PACRG: variants seen among roughly 807,000 people sequenced by gnomAD.
The protein encoded by PACRG is parkin coregulated.
A neutral mutation model predicts 29.7 loss-of-function variants in PACRG; 29 were observed. The observed-to-expected ratio is 0.98, with a 90% CI of 0.73 to 1.33. The LOEUF (loss-of-function observed/expected upper bound fraction) is 1.33, where lower values mean the gene tolerates loss of function less well. Ranked by LOEUF, PACRG falls within the 40% of genes most tolerant of loss-of-function variation. The pLI is 0.00. For synonymous variants in PACRG, 116 were observed against 118.7 expected, an observed-to-expected ratio of 0.98 and a Z score of 0.15; for missense variants, 279 against 316.2, an observed-to-expected ratio of 0.88 and a Z score of 0.89.
chr6:162,868,179 T>G (rs918240568), intron 2 of PACRG, among the ~76,000 whole-genome samples: 1 of 152,150 alleles, frequency 6.6e-6, no homozygotes, highest in Admixed American at 6.5e-5. Flanking sequence ...GTGACTAGGA[T>G]AGGATACACG....
chr6:163,269,995 GAAAGAAAGAAA>G lies in PACRG; in HGVS notation c.614-44831_614-44821del, dbSNP rs1562350558. Among the ~76,000 whole-genome samples the G allele has an allele frequency of 7.7e-4, 83 of 107,256 alleles. 3 individuals carry two copies. The highest frequency in any genetic ancestry group is 4.9e-3 in the South Asian group (14 of 2,840). The allele number at this position is 107,256 out of a possible 152,430, so 70.4% of individuals were successfully genotyped here. A position where few individuals can be genotyped will look rare whatever the true frequency, so the allele number is the denominator to read the frequency against. Reference sequence around the variant, plus strand: ...AGAAAGAAAGAAAGAAAGAAAGAAAGAAAGAAAGAAAGGAGGGAGGGAGGGAGGGAGGAAGG... The same window carrying G: ...AGAAAGAAAGAAAGAAAGAAAGAAAGGGAGGGAGGGAGGGAGGGAGGAAGG... On this transcript the variant is annotated intron_variant, in intron 4 of 4. Coordinates refer to ENST00000366888, the MANE Select transcript of PACRG (RefSeq NM_001080379.2).
chr6:163,252,241 C>T (rs1782936026), intron 4 of PACRG, among the ~76,000 whole-genome samples: 2 of 152,250 alleles, frequency 1.3e-5, no homozygotes, highest in Admixed American at 1.3e-4. Flanking sequence ...TGTGAGCACG[C>T]CCTCTGCACC....
At position 162,853,186 on chromosome 6, in the gene PACRG, G is replaced by A. The variant is rs928727001; in HGVS notation, c.291+38905G>A. ...ACTTTCAGAAAAGAGTACACTGAAC[G>A]TTTAAAATCTGGAAATTGAACTCCT... On this transcript the variant is annotated intron_variant, in intron 2 of 4. Transcript: ENST00000366888. The surrounding 1 kb of genome is among the most constrained non-coding windows in gnomAD (Gnocchi z 4.7). Among the ~76,000 whole-genome samples the A allele has an allele frequency of 2.6e-5, 4 of 152,164 alleles. No individual in the cohort carries two copies. Among genetic ancestry groups the A allele is most frequent in the Non-Finnish European group, 5.9e-5 (4 of 68,028 alleles).
intron 3 of PACRG, among the ~76,000 whole-genome samples, chr6:163,065,527 CAAT>C (rs1811462478): frequency 6.6e-6 from 1 of 152,114 alleles, no homozygotes; most frequent in Non-Finnish European, 1.5e-5. Context: ...TCTCTCTCCT[CAAT>C]AAAAGTGAGA....
intron 4 of PACRG, among the ~76,000 whole-genome samples, chr6:163,243,719 A>G (rs1449361925): frequency 6.6e-6 from 1 of 152,208 alleles, no homozygotes; most frequent in Non-Finnish European, 1.5e-5. Context: ...AAAAAACTTG[A>G]GTGAAACCCT....
chr6:162,916,225 C>T (rs939901014), intron 2 of PACRG, among the ~76,000 whole-genome samples: 1 of 152,068 alleles, frequency 6.6e-6, no homozygotes, highest in Admixed American at 6.6e-5. Context: ...TGTCTTATGA[C>T]CTTCATAGTT....
At chr6:163,038,171 T>C (rs1049229120) in intron 2 of PACRG, among the ~76,000 whole-genome samples, 1 of 152,126 alleles carries the variant, frequency 6.6e-6, no homozygotes, top group African/African-American at 2.4e-5. Flanking sequence ...GGGGCAGGAT[T>C]TGGACTTAGG....
At chr6:163,176,167 C>T (rs1274563732) in intron 4 of PACRG, among the ~76,000 whole-genome samples, 3 of 152,172 alleles carry the variant, frequency 2.0e-5, no homozygotes, top group South Asian at 2.1e-4. Context: ...TAGAGAATCT[C>T]ACCTTTTCCT....
At chr6:163,210,769 C>T (rs10945881) in intron 4 of PACRG, among the ~76,000 whole-genome samples, 41,529 of 152,120 alleles carry the variant, frequency 0.27, 6,707 homozygotes, top group East Asian at 0.62. Context: ...AAAAGGAAAA[C>T]TCTCTTCAGT....
intron 1 of PACRG, among the ~76,000 whole-genome samples, chr6:162,808,373 G>A (rs774229633): frequency 2.0e-5 from 3 of 152,138 alleles, no homozygotes; most frequent in Non-Finnish European, 4.4e-5. Flanking sequence ...CTAGTGGGTT[G>A]GCTAAATGGG....
Position 162,963,837 on chromosome 6 carries a change from T to G in PACRG, c.292-98313T>G, listed in dbSNP as rs375851994. ...ATTTTCACCATTTTTATTTTGCTAT[T>G]CTATTTCATTGCAATTGCAATATAT... On this transcript the variant is annotated intron_variant, in intron 2 of 4. Coordinates refer to ENST00000366888, the MANE Select transcript of PACRG (RefSeq NM_001080379.2). 3.9e-5 allele frequency among the ~76,000 whole-genome samples: 6 copies of G among 152,226 alleles called. No individual in the cohort carries two copies. In the East Asian group the frequency reaches 9.7e-4, roughly 25 times the overall value.
chr6:163,138,036 C>G lies in PACRG; in HGVS notation c.613+48628C>G, dbSNP rs1040572291. 2.0e-5 allele frequency among the ~76,000 whole-genome samples: 3 copies of G among 152,302 alleles called. No homozygotes were observed. The South Asian group carries it at 6.2e-4, about 32-fold the overall frequency. On this transcript the variant is annotated intron_variant, in intron 4 of 4. Transcript: ENST00000366888. ...TGGCTCAGAGGCTCTGTGCCCAGAACGACAGTACATAAGAAGGAGTGGGGG... is the reference window on the plus strand; with the variant it reads ...TGGCTCAGAGGCTCTGTGCCCAGAAGGACAGTACATAAGAAGGAGTGGGGG...
intron 4 of PACRG, among the ~76,000 whole-genome samples, chr6:163,228,124 T>G (rs1781876565): frequency 6.6e-6 from 1 of 152,054 alleles, no homozygotes; most frequent in South Asian, 2.1e-4. Flanking sequence ...AAGATATATA[T>G]GTATATTAGA....
At chr6:162,914,517 T>C (rs1389364249) in intron 2 of PACRG, among the ~76,000 whole-genome samples, 1 of 147,538 alleles carries the variant, frequency 6.8e-6, no homozygotes. Flanking sequence ...TGTTTTTTTT[T>C]TTTTTTTTTT....
intron 2 of PACRG, among the ~76,000 whole-genome samples, chr6:162,940,475 T>A (rs1798540263): frequency 6.6e-6 from 1 of 152,184 alleles, no homozygotes; most frequent in African/African-American, 2.4e-5. Context: ...TTCCTTTCTG[T>A]GTGTGATGTT....
At chr6:163,213,000 G>A (rs1472196250) in intron 4 of PACRG, among the ~76,000 whole-genome samples, 1 of 152,092 alleles carries the variant, frequency 6.6e-6, no homozygotes, top group Non-Finnish European at 1.5e-5. Context: ...GGATGGTCTT[G>A]ATCTCCTGAC....
chr6:162,936,835 A>G (rs1798268989), intron 2 of PACRG, among the ~76,000 whole-genome samples: 1 of 151,730 alleles, frequency 6.6e-6, no homozygotes, highest in African/African-American at 2.4e-5. Context: ...AGAGAGACCC[A>G]TTTACTTTCA....
At chr6:163,028,558 T>C (rs975447357) in intron 2 of PACRG, among the ~76,000 whole-genome samples, 3 of 152,186 alleles carry the variant, frequency 2.0e-5, no homozygotes, top group African/African-American at 7.2e-5. Context: ...ACTGGCTCCA[T>C]ACAAATACAT....
intron 4 of PACRG, among the ~76,000 whole-genome samples, chr6:163,261,605 G>C (rs1305643319): frequency 1.3e-5 from 2 of 152,186 alleles, no homozygotes; most frequent in African/African-American, 2.4e-5. Flanking sequence ...CCAGGCACTC[G>C]CAGGACACTC....
Sources: allele counts gnomAD v4.1 joint callset (sites outside exome capture counted in the v4.1 genomes callset), GRCh38; gene constraint gnomAD v4.1.1; non-coding constraint Gnocchi (gnomAD v3.1); transcripts MANE v1.5; gene names NCBI Gene and HGNC (gene_info 2026-07-23, HGNC 2026-07-21).